KCNJ16: variants seen among roughly 807,000 people sequenced by gnomAD.
KCNJ16 encodes potassium inwardly rectifying channel subfamily J member 16, also known as inward rectifier potassium channel 16.
KCNJ16 carries 15 observed loss-of-function variants against 18.5 expected under a neutral mutation model. The ratio of observed to expected loss-of-function variants is 0.81; its 90% CI spans 0.54 to 1.25. KCNJ16 has a LOEUF of 1.25. KCNJ16 is among the 50% of genes most tolerant of loss of function. KCNJ16 has a pLI of 0.00. For synonymous variants in KCNJ16, 174 were observed against 186.5 expected (o/e 0.93, Z 0.55); for missense variants, 523 against 525.7 (o/e 0.99, Z 0.05).
chr17:70,079,922 C>T (rs750321319), intron 1 of KCNJ16, among the ~76,000 whole-genome samples: 7 of 152,152 alleles, frequency 4.6e-5, no homozygotes, highest in Non-Finnish European at 8.8e-5. Context: ...AGGCTGGTCT[C>T]GAACTCCTAG....
chr17:70,083,071 T>C (rs2143585134), intron 1 of KCNJ16, among the ~76,000 whole-genome samples: 1 of 151,926 alleles, frequency 6.6e-6, no homozygotes, highest in South Asian at 2.1e-4. Flanking sequence ...TTATCTATTA[T>C]TGAGATGGAA....
intron 2 of KCNJ16, among the ~76,000 whole-genome samples, chr17:70,122,339 AT>A (rs34076703): frequency 0.22 from 32,624 of 151,478 alleles, 4,385 homozygotes; most frequent in African/African-American, 0.38. Flanking sequence ...CGCCCAGCTA[AT>A]TTTTTTTACT....
intron 2 of KCNJ16, among the ~76,000 whole-genome samples, chr17:70,129,011 C>T (rs1362367237): frequency 2.6e-5 from 4 of 152,234 alleles, no homozygotes; most frequent in South Asian, 2.1e-4. Flanking sequence ...CCGGGCAGCC[C>T]TCTTCCTGCT....
At chr17:70,129,765 G>A (rs2073991972) in intron 2 of KCNJ16, among the ~76,000 whole-genome samples, 2 of 152,096 alleles carry the variant, frequency 1.3e-5, no homozygotes, top group Admixed American at 6.6e-5. Context: ...ACTCAAATTT[G>A]TTCACTTGTA....
chr17:70,130,324 C>T (rs1363223431), intron 2 of KCNJ16, among the ~76,000 whole-genome samples: 2 of 152,174 alleles, frequency 1.3e-5, no homozygotes, highest in East Asian at 1.9e-4. Flanking sequence ...TAAGCATTTT[C>T]GCAGCCCTAG....
intron 1 of KCNJ16, among the ~76,000 whole-genome samples, chr17:70,092,097 T>C (rs190024661): frequency 1.7e-4 from 26 of 152,332 alleles, no homozygotes; most frequent in African/African-American, 4.3e-4. Flanking sequence ...GAATGAACCA[T>C]AGCAAGTTCC....
intron 2 of KCNJ16, among the ~76,000 whole-genome samples, chr17:70,103,190 A>G (rs1285762171): frequency 1.4e-5 from 2 of 145,034 alleles, no homozygotes; most frequent in Non-Finnish European, 3.0e-5. Flanking sequence ...GTATATAAAT[A>G]TATATGTGTA....
chr17:70,086,481 A>G (rs1413595691), intron 1 of KCNJ16, among the ~76,000 whole-genome samples: 1 of 152,248 alleles, frequency 6.6e-6, no homozygotes, highest in East Asian at 1.9e-4. Context: ...GCACTGCTTA[A>G]GACAAAAAGC....
chr17:70,098,498 A>G (rs549659247), intron 1 of KCNJ16, among the ~76,000 whole-genome samples: 1 of 152,174 alleles, frequency 6.6e-6, no homozygotes, highest in South Asian at 2.1e-4. Context: ...GCCTCTTAAC[A>G]AGACAGCAGT....
rs2074071921 is a variant in KCNJ16 at position 70,132,026 on chromosome 17, C to A, written c.-62C>A. ...ACTGAAAACCCAAACCAAGAAATAG[C>A]AACAAGTCTAGAATTCTTACTACTA... On this transcript the variant is annotated 5_prime_UTR_variant, in exon 4 of 4. Coordinates refer to ENST00000392671, the MANE Select transcript of KCNJ16 (RefSeq NM_170741.4). 1 of 1,604,126 alleles carries A rather than the reference C, an allele frequency of 6.2e-7. No homozygotes were observed. The highest frequency in any genetic ancestry group is 8.5e-7 in the Non-Finnish European group (1 of 1,175,544).
intron 1 of KCNJ16, among the ~76,000 whole-genome samples, chr17:70,076,185 T>C (rs1170576076): frequency 6.6e-6 from 1 of 152,148 alleles, no homozygotes; most frequent in Non-Finnish European, 1.5e-5. Flanking sequence ...CTGAATGGTC[T>C]TTAGAAAAAG....
At position 70,133,035 on chromosome 17, in the gene KCNJ16, TA is replaced by T. The variant is rs1353972898; in HGVS notation, c.950del (p.Lys317ArgfsTer7). 6.2e-7 allele frequency: 1 copy of T among 1,614,038 alleles called. No individual in the cohort carries two copies. Among genetic ancestry groups the T allele is most frequent in the Admixed American group, 1.7e-5 (1 of 60,010 alleles). On this transcript the variant is annotated frameshift_variant, in exon 4 of 4. Coordinates refer to ENST00000392671, the MANE Select transcript of KCNJ16 (RefSeq NM_170741.4). LOFTEE classifies it low-confidence loss of function (END_TRUNC). ...ATAGGTTTAATGATGTCTTGGAAGT[TA>T]AGAGGAAGTATTACAAAGTGAACTG... ...GHRFNDVLEV[K>X]RKYYKVNCLQ...
intron 1 of KCNJ16, among the ~76,000 whole-genome samples, chr17:70,090,770 A>G (rs1299394613): frequency 1.3e-5 from 2 of 152,264 alleles, no homozygotes; most frequent in Non-Finnish European, 2.9e-5. Context: ...ACCCACTCAC[A>G]ATACCGCTAA....
Position 70,130,944 on chromosome 17 carries a change from T to C in KCNJ16, c.-125T>C. The C allele has an allele frequency of 6.5e-7, 1 of 1,534,438 alleles. No individual in the cohort carries two copies. Among genetic ancestry groups the C allele is most frequent in the Non-Finnish European group, 8.7e-7 (1 of 1,145,408 alleles). On this transcript the variant is annotated 5_prime_UTR_variant, in exon 3 of 4. Coordinates refer to ENST00000392671, the MANE Select transcript of KCNJ16 (RefSeq NM_170741.4). ...CACTTTGACTTGAGCTGGGAAATCC[T>C]TTGGCCTATTATACCATGGATGCTA... is the stretch of plus-strand genomic sequence containing the variant.
At chr17:70,079,608 T>C (rs898407269) in intron 1 of KCNJ16, among the ~76,000 whole-genome samples, 4 of 152,246 alleles carry the variant, frequency 2.6e-5, no homozygotes, top group African/African-American at 7.2e-5. Flanking sequence ...TTAGTAATCA[T>C]ATAAATATTA....
At chr17:70,092,320 A>ATCTT (rs1598103433) in intron 1 of KCNJ16, among the ~76,000 whole-genome samples, 2 of 152,176 alleles carry the variant, frequency 1.3e-5, no homozygotes, top group East Asian at 3.9e-4. Context: ...ACATTTTAAG[A>ATCTT]TTTTTATCAC....
chr17:70,129,824 G>A, intron 2 of KCNJ16, among the ~76,000 whole-genome samples: 1 of 152,104 alleles, frequency 6.6e-6, no homozygotes. Flanking sequence ...TTTTGAAAGA[G>A]GCTTGTGTAT....
intron 2 of KCNJ16, among the ~76,000 whole-genome samples, chr17:70,122,808 C>T (rs191134317): frequency 1.9e-4 from 29 of 152,278 alleles, no homozygotes; most frequent in African/African-American, 5.8e-4. Flanking sequence ...AGTAACTCTG[C>T]GTCGCTTCCT....
chr17:70,130,758 T>C, intron 2 of KCNJ16, 121 bp from the exon 3 acceptor site: 1 of 580,970 alleles, frequency 1.7e-6, no homozygotes, highest in Admixed American at 2.9e-5. Flanking sequence ...TTCCCTAAAG[T>C]CCCCCGTTAT....
Sources: gnomAD v4.1 joint callset for allele counts (sites outside exome capture counted in the v4.1 genomes callset) on GRCh38, gnomAD v4.1.1 for gene constraint, MANE v1.5 for transcripts, NCBI Gene and HGNC (gene_info 2026-07-23, HGNC 2026-07-21) for gene names.